Variants in LENG8 observed in about 807,000 individuals in gnomAD.
The protein encoded by LENG8 is leukocyte receptor cluster member 8.
A neutral mutation model predicts 102.1 loss-of-function variants in LENG8; 28 were observed. The observed-to-expected ratio is 0.27, with a 90% confidence interval of 0.20 to 0.38. The LOEUF (loss-of-function observed/expected upper bound fraction) is 0.38, where lower values mean the gene tolerates loss of function less well. Ranked by LOEUF, LENG8 falls within the 10% of genes least tolerant of loss-of-function variation. The pLI is 1.00. For synonymous variants in LENG8, 531 were observed against 456.7 expected (o/e 1.16, Z -2.07); for missense variants, 1,022 against 1,113.9 (o/e 0.92, Z 1.17).
rs1464728217 is a variant in LENG8, at chr19:54,461,558, G to C, written c.*630G>C. On this transcript the variant is annotated 3_prime_UTR_variant, in exon 16 of 16. Transcript: ENST00000326764. The stretch of plus-strand genomic sequence containing the variant: ...GAGGACACGCCGGCCGGGCCGCCTC[G>C]TCTCAAGTTGTATAAAGTTGTCTCC... 4.2e-6 allele frequency: 2 copies of C among 471,940 alleles called. No homozygotes were observed. The highest frequency in any genetic ancestry group is 8.8e-6 in the Non-Finnish European group (2 of 227,590). The allele number at this position is 471,940 out of a possible 1,614,324, so 29.2% of individuals were successfully genotyped here. A position where few individuals can be genotyped will look rare whatever the true frequency, so the allele number is the denominator to read the frequency against.
chr19:54,461,313 AGAC>A lies in LENG8; in HGVS notation c.*386_*388del, dbSNP rs2084539143. ...CCATGCCGGGGGGCCAGTGGAAAGAAGACAGGCCGTCCAGCCCGTGCCCGCCTG... is the reference window on the plus strand; with the variant it reads ...CCATGCCGGGGGGCCAGTGGAAAGAAAGGCCGTCCAGCCCGTGCCCGCCTG... On this transcript the variant is annotated 3_prime_UTR_variant, in exon 16 of 16. Coordinates refer to ENST00000326764, the MANE Select transcript of LENG8 (RefSeq NM_052925.4). The A allele has an allele frequency of 2.2e-6, 1 of 463,506 alleles. No individual in the cohort carries two copies. Among genetic ancestry groups the A allele is most frequent in the African/African-American group, 2.0e-5 (1 of 50,312 alleles). 28.7% of individuals were successfully genotyped at this position (463,506 alleles called of 1,614,324 possible).
At position 54,454,956 on chromosome 19, in the gene LENG8, C is replaced by T; in HGVS notation, c.685C>T (p.Pro229Ser). The change falls in exon 7 of 16, where the codon CCT becomes TCT. Residue 229 changes from proline (P) to serine (S), a missense_variant. Pro to Ser is a moderately conservative substitution (Grantham distance 74, BLOSUM62 -1). Transcript: ENST00000326764. The stretch of plus-strand genomic sequence containing the variant: ...AGCTTTCGCTGCCCTCACAGCCGCC[C>T]CTGGGACTGGAGGTCTCAAGTTCAA... ...QQLWNRMKPAPGTGGLKFNIQ... is the reference protein window; with the variant it reads ...QQLWNRMKPASGTGGLKFNIQ... 2 of 1,614,204 alleles carry T rather than the reference C, an allele frequency of 1.2e-6. No homozygotes were observed. Among genetic ancestry groups the T allele is most frequent in the Non-Finnish European group, 1.7e-6 (2 of 1,180,034 alleles).
Position 54,454,417 on chromosome 19 carries a change from C to T in LENG8, c.427-13C>T. 6.3e-7 allele frequency: 1 copy of T among 1,591,592 alleles called. No homozygotes were observed. Among genetic ancestry groups the T allele is most frequent in the Non-Finnish European group, 8.6e-7 (1 of 1,167,732 alleles). ...ATCTGCCTCCCGTGCTCAGCGCCTG[C>T]TTCCTTCTGCAGCCCCCAGTCCCCG... On this transcript the variant is annotated splice_polypyrimidine_tract_variant and intron_variant, in intron 5 of 15. Transcript: ENST00000326764.
intron 15 of LENG8, chr19:54,460,284 T>C: frequency 7.9e-7 from 1 of 1,264,578 alleles, no homozygotes; most frequent in South Asian, 1.3e-5. Context: ...AGTAGTGTGT[T>C]TTAGCAGCAG....
At position 54,461,106 on chromosome 19, in the gene LENG8, G is replaced by A. The variant is rs1003053459; in HGVS notation, c.*178G>A. Reference sequence around the variant, plus strand: ...GGAGTCTGTACAGAGATTTTTCTACGTTTTTATTTTTTGCCTCAGAGGGAT... The same window carrying A: ...GGAGTCTGTACAGAGATTTTTCTACATTTTTATTTTTTGCCTCAGAGGGAT... On this transcript the variant is annotated 3_prime_UTR_variant, in exon 16 of 16. Transcript: ENST00000326764. 20 of 1,002,290 alleles carry A rather than the reference G, an allele frequency of 2.0e-5. No homozygotes were observed. The highest frequency in any genetic ancestry group is 8.1e-5 in the African/African-American group (5 of 62,030). 62.1% of individuals were successfully genotyped at this position (1,002,290 alleles called of 1,614,324 possible). A position where few individuals can be genotyped will look rare whatever the true frequency, so the allele number is the denominator to read the frequency against.
rs780884310 is a variant in LENG8 at position 54,460,783 on chromosome 19, C to T, written c.2258C>T (p.Pro753Leu). 6.3e-7 allele frequency: 1 copy of T among 1,586,592 alleles called. No individual in the cohort carries two copies. The highest frequency in any genetic ancestry group is 8.6e-7 in the Non-Finnish European group (1 of 1,167,440). The change falls in exon 16 of 16, where the codon CCA becomes CTA. Residue 753 changes from proline to leucine, a missense_variant. This residue lies in a region of LENG8 where 129 missense variants were observed against 123.0 expected (regional missense o/e 1.05). Coordinates refer to ENST00000326764, the MANE Select transcript of LENG8 (RefSeq NM_052925.4). ...AMIKTFRPAL[P>L]VSYLQAELAF... ...CTCCATAGCTTCCGCCCTGCGCTGC[C>T]AGTCTCCTACCTGCAGGCCGAGCTG...
intron 15 of LENG8, chr19:54,459,790 T>C (rs1371279068): frequency 1.1e-5 from 12 of 1,109,568 alleles, no homozygotes; most frequent in Non-Finnish European, 1.2e-5. Flanking sequence ...CAGACGAGGA[T>C]GTGGGGTGCC....
chr19:54,458,315 C>T lies in LENG8; in HGVS notation c.2034C>T (p.Asp678=). The T allele has an allele frequency of 6.2e-7, 1 of 1,613,570 alleles. No homozygotes were observed. ...LYYIFTKNSG[D]ITTELAYLTR... The stretch of plus-strand genomic sequence containing the variant: ...TCACCCTCTTTGTCTTGGTGCTAGA[C>T]ATCACCACGGAGCTGGCATACCTCA... The change falls in exon 15 of 16, where the codon GAC becomes GAT. Residue 678 remains aspartate (D), a splice_region_variant and synonymous_variant. Coordinates refer to ENST00000326764, the MANE Select transcript of LENG8 (RefSeq NM_052925.4).
chr19:54,458,371 C>G lies in LENG8; in HGVS notation c.2090C>G (p.Ala697Gly). Residue 697 changes from alanine (A) to glycine (G), a missense_variant, in exon 15 of 16, where the codon GCC becomes GGC. Ala to Gly is a moderately conservative substitution (Grantham distance 60). Coordinates refer to ENST00000326764, the MANE Select transcript of LENG8 (RefSeq NM_052925.4). Reference sequence around the variant, plus strand: ...GAACTGAAGGCAGATCCTTGCGTGGCCCACGCCTTGGCATTAAGGACAGCC... The same window carrying G: ...GAACTGAAGGCAGATCCTTGCGTGGGCCACGCCTTGGCATTAAGGACAGCC... Reference protein sequence around the residue: ...TRELKADPCVAHALALRTAWA... With the variant: ...TRELKADPCVGHALALRTAWA... 6.2e-7 allele frequency: 1 copy of G among 1,614,198 alleles called. No homozygotes were observed. Among genetic ancestry groups the G allele is most frequent in the Non-Finnish European group, 8.5e-7 (1 of 1,180,032 alleles).
At chr19:54,453,139 AG>A (rs1410426052) in intron 4 of LENG8, among the ~76,000 whole-genome samples, 2 of 152,268 alleles carry the variant, frequency 1.3e-5, no homozygotes, top group South Asian at 4.1e-4. Context: ...ACTGATTGAA[AG>A]TAGCATTCCT....
At chr19:54,456,957 C>T (rs1343200195) in intron 11 of LENG8, 36 bp downstream of exon 11, 12 of 1,561,726 alleles carry the variant, frequency 7.7e-6, no homozygotes, top group Non-Finnish European at 1.0e-5. Context: ...CTCTGTGAGG[C>T]CGTGCTGGCT....
intron 11 of LENG8, 119 bp from the exon 12 acceptor site, chr19:54,457,628 A>C: frequency 1.3e-6 from 1 of 754,726 alleles, no homozygotes; most frequent in Non-Finnish European, 2.3e-6. Flanking sequence ...GGCGTGAGCC[A>C]CTGCGCCTGG....
rs573193297 is a variant in LENG8, at chr19:54,460,596, G to C, written c.2241-170G>C. The stretch of plus-strand genomic sequence containing the variant: ...GACTGGGGTCACTAACCCCCCCCGG[G>C]CCCCCCCCGAGCCCCTGAGGTGGGG... On this transcript the variant is annotated intron_variant, in intron 15 of 15. Transcript: ENST00000326764. 200 of 1,386,688 alleles carry C rather than the reference G, an allele frequency of 1.4e-4. 1 individual carries two copies. The highest frequency in any genetic ancestry group is 2.7e-4 in the Middle Eastern group (1 of 3,756). 85.9% of individuals were successfully genotyped at this position (1,386,688 alleles called of 1,614,324 possible).
Position 54,461,051 on chromosome 19 carries a change from C to A in LENG8, c.*123C>A. 2.9e-6 allele frequency: 4 copies of A among 1,377,554 alleles called. No individual in the cohort carries two copies. Among genetic ancestry groups the A allele is most frequent in the Non-Finnish European group, 3.0e-6 (3 of 1,011,370 alleles). The allele number at this position is 1,377,554 out of a possible 1,614,324, so 85.3% of individuals were successfully genotyped here. A position where few individuals can be genotyped will look rare whatever the true frequency, so the allele number is the denominator to read the frequency against. ...TGTGGGGAGTGCGCTCCAGGAAGAG[C>A]CACCATCCCTGCCCCCGTTTTCCCA... On this transcript the variant is annotated 3_prime_UTR_variant, in exon 16 of 16. Transcript: ENST00000326764.
Position 54,458,448 on chromosome 19 carries a change from T to G in LENG8, c.2167T>G (p.Cys723Gly). 6.2e-7 allele frequency: 1 copy of G among 1,614,278 alleles called. No homozygotes were observed. Residue 723 changes from cysteine to glycine, a missense_variant, in exon 15 of 16, where the codon TGC becomes GGC. Cys to Gly is a radical substitution (Grantham distance 159). This residue lies in a region of LENG8 where 129 missense variants were observed against 123.0 expected (regional missense o/e 1.05). Transcript: ENST00000326764. ...RFFRLYCHAP[C>G]MSGYLVDKFA... Reference sequence around the variant, plus strand: ...TTTCCGGCTCTACTGCCATGCACCCTGCATGTCTGGCTACCTCGTGGACAA... The same window carrying G: ...TTTCCGGCTCTACTGCCATGCACCCGGCATGTCTGGCTACCTCGTGGACAA...
At chr19:54,451,023 C>T (rs1679750065) in intron 1 of LENG8, among the ~76,000 whole-genome samples, 1 of 151,566 alleles carries the variant, frequency 6.6e-6, no homozygotes, top group Non-Finnish European at 1.5e-5. Context: ...GACCCTTCTC[C>T]TTCCCTTTGG....
chr19:54,460,205 G>A, intron 15 of LENG8: 1 of 1,289,956 alleles, frequency 7.8e-7, no homozygotes. Flanking sequence ...TGTGGAAAGG[G>A]TAGGGCTGCA....
chr19:54,455,650 C>T lies in LENG8; in HGVS notation c.1025+83C>T, dbSNP rs957080629. ...GTATGGAGGTAGGAGAGTTGCGGGT[C>T]CCAGGTACCAGGAGCTCCAAAGAGA... is the stretch of plus-strand genomic sequence containing the variant. On this transcript the variant is annotated intron_variant, in intron 8 of 15. Transcript: ENST00000326764. 754 of 1,259,650 alleles carry T rather than the reference C, an allele frequency of 6.0e-4. 1 individual carries two copies. Among genetic ancestry groups the T allele is most frequent in the Non-Finnish European group, 6.5e-4 (583 of 897,910 alleles). 78.0% of individuals were successfully genotyped at this position (1,259,650 alleles called of 1,614,324 possible). A position where few individuals can be genotyped will look rare whatever the true frequency, so the allele number is the denominator to read the frequency against.
At chr19:54,458,930 C>T (rs750611210) in intron 15 of LENG8, 3 of 1,523,372 alleles carry the variant, frequency 2.0e-6, no homozygotes, top group East Asian at 2.5e-5. Flanking sequence ...AGCCTCTGGT[C>T]TACCAGGACA....
Sources: gnomAD v4.1 joint callset for allele counts (sites outside exome capture counted in the v4.1 genomes callset) on GRCh38, gnomAD v4.1.1 for gene constraint, gnomAD v4.1.1 regional missense constraint, MANE v1.5 for transcripts, NCBI Gene and HGNC (gene_info 2026-07-23, HGNC 2026-07-21) for gene names.